CAMK1D: variants seen among roughly 807,000 people sequenced by gnomAD.
CAMK1D encodes the protein calcium/calmodulin dependent protein kinase ID, also known as calcium/calmodulin-dependent protein kinase type 1D.
In CAMK1D, 9 loss-of-function variants were observed where a neutral mutation model predicts 47.7. That is an observed-to-expected ratio of 0.19 (90% CI 0.11 to 0.33). The LOEUF (loss-of-function observed/expected upper bound fraction) is 0.33. Ranked by LOEUF, CAMK1D falls within the 10% of genes least tolerant of loss-of-function variation. The pLI, the probability that CAMK1D is intolerant of heterozygous loss-of-function variation, is 1.00. For synonymous variants in CAMK1D, 184 were observed against 184.9 expected, an observed-to-expected ratio of 0.99 and a Z score of 0.04; for missense variants, 291 against 488.7, an observed-to-expected ratio of 0.60 and a Z score of 3.81.
At chr10:12,539,792 C>T (rs1370961142) in intron 1 of CAMK1D, among the ~76,000 whole-genome samples, 1 of 152,230 alleles carries the variant, frequency 6.6e-6, no homozygotes, top group Non-Finnish European at 1.5e-5. Flanking sequence ...GTACCTTTGT[C>T]ATCCAAGGAA....
At chr10:12,558,899 G>C (rs756815141) in intron 2 of CAMK1D, among the ~76,000 whole-genome samples, 10 of 152,136 alleles carry the variant, frequency 6.6e-5, no homozygotes, top group Admixed American at 2.6e-4. Flanking sequence ...GCATGTTTTC[G>C]TCTATCTGGG....
chr10:12,828,667 C>CCA (rs1554832121), intron 10 of CAMK1D, 102 bp from the exon 11 acceptor site: 38,827 of 838,986 alleles, frequency 0.046, 4,980 homozygotes, highest in East Asian at 0.41. Flanking sequence ...TGGGCCCCCC[C>CCA]GCCCCCCACC....
intron 1 of CAMK1D, among the ~76,000 whole-genome samples, chr10:12,445,414 G>A (rs1832897638): frequency 6.6e-6 from 1 of 152,232 alleles, no homozygotes; most frequent in Non-Finnish European, 1.5e-5. Context: ...ACTTAGCTTT[G>A]GTTCTGCCAT....
intron 1 of CAMK1D, among the ~76,000 whole-genome samples, chr10:12,492,932 C>T (rs1341492114): frequency 6.6e-6 from 1 of 152,204 alleles, no homozygotes; most frequent in South Asian, 2.1e-4. Flanking sequence ...GTCCCACTCC[C>T]TCTGTCTCTG....
At chr10:12,619,973 C>T (rs971373604) in intron 2 of CAMK1D, among the ~76,000 whole-genome samples, 1 of 152,060 alleles carries the variant, frequency 6.6e-6, no homozygotes, top group African/African-American at 2.4e-5. Flanking sequence ...TCTTCTTTTT[C>T]ACTCAACTTT....
chr10:12,670,225 G>T (rs918714697), intron 3 of CAMK1D, among the ~76,000 whole-genome samples: 3 of 149,378 alleles, frequency 2.0e-5, no homozygotes, highest in African/African-American at 7.4e-5. Flanking sequence ...ATTCTAATGG[G>T]GTGTAGTGAT....
chr10:12,357,262 C>T (rs770859441), intron 1 of CAMK1D, among the ~76,000 whole-genome samples: 1 of 152,086 alleles, frequency 6.6e-6, no homozygotes, highest in African/African-American at 2.4e-5. Context: ...ACCTCTGCCA[C>T]CCGAGTTCAA....
intron 1 of CAMK1D, among the ~76,000 whole-genome samples, chr10:12,508,107 C>A (rs1173373621): frequency 6.6e-6 from 1 of 152,200 alleles, no homozygotes; most frequent in Admixed American, 6.5e-5. Context: ...TCTAGGAAGA[C>A]GATTCCCAAA....
chr10:12,423,777 C>T lies in CAMK1D; in HGVS notation c.92+73867C>T, dbSNP rs578076208. ...CAGGTTGTTCAGACAGCCAGGAATGCGTTAGCCTGACTAAGTTGGTTGTTC... is the reference window on the plus strand; with the variant it reads ...CAGGTTGTTCAGACAGCCAGGAATGTGTTAGCCTGACTAAGTTGGTTGTTC... On this transcript the variant is annotated intron_variant, in intron 1 of 10. Coordinates refer to ENST00000619168, the MANE Select transcript of CAMK1D (RefSeq NM_153498.4). Among the ~76,000 whole-genome samples the T allele has an allele frequency of 1.2e-4, 18 of 152,302 alleles. 1 individual carries two copies. Among genetic ancestry groups the T allele is most frequent in the South Asian group, 2.1e-4 (1 of 4,828 alleles).
rs190812397 is a variant in CAMK1D, at chr10:12,464,541, C to T, written c.93-88684C>T. Among the ~76,000 whole-genome samples the T allele has an allele frequency of 7.9e-5, 12 of 152,270 alleles. No individual in the cohort carries two copies. The South Asian group carries it at 1.7e-3, about 21-fold the overall frequency. The stretch of plus-strand genomic sequence containing the variant: ...GCAGAAAAGAGTGGTCAAGGCCGGG[C>T]GCCGTGGCTCATGCCTGTAATCCCA... On this transcript the variant is annotated intron_variant, in intron 1 of 10. Transcript: ENST00000619168.
intron 2 of CAMK1D, among the ~76,000 whole-genome samples, chr10:12,616,768 C>T (rs990596842): frequency 5.3e-5 from 8 of 152,124 alleles, no homozygotes; most frequent in Non-Finnish European, 8.8e-5. Flanking sequence ...CCGCCCGCCT[C>T]GGCCTCCCAA....
At chr10:12,410,037 A>G (rs1839601005) in intron 1 of CAMK1D, among the ~76,000 whole-genome samples, 2 of 152,204 alleles carry the variant, frequency 1.3e-5, no homozygotes, top group South Asian at 4.1e-4. Flanking sequence ...TCAGAACTTC[A>G]TTCCTTTCTA....
chr10:12,790,722 G>A (rs1293940188), intron 5 of CAMK1D, among the ~76,000 whole-genome samples: 1 of 151,952 alleles, frequency 6.6e-6, no homozygotes, highest in Admixed American at 6.6e-5. Context: ...TGAGTGCAGT[G>A]ACTCATACCT....
chr10:12,482,975 T>A (rs1215800224), intron 1 of CAMK1D, among the ~76,000 whole-genome samples: 1 of 152,156 alleles, frequency 6.6e-6, no homozygotes, highest in Admixed American at 6.5e-5. Context: ...CTGCCCACAT[T>A]ACGGTGCTAG....
chr10:12,666,599 A>C (rs189048062), intron 2 of CAMK1D, 137 bp from the exon 3 acceptor site: 2 of 677,996 alleles, frequency 2.9e-6, no homozygotes, highest in Admixed American at 5.4e-5. Flanking sequence ...GTCTGGGGAC[A>C]ACATTGTGAA....
intron 5 of CAMK1D, among the ~76,000 whole-genome samples, chr10:12,788,573 C>A (rs918732257): frequency 6.6e-6 from 1 of 152,232 alleles, no homozygotes; most frequent in African/African-American, 2.4e-5. Flanking sequence ...CGAGGCTGGC[C>A]CCGGATGGTC....
chr10:12,638,200 G>C (rs1330483145), intron 2 of CAMK1D, among the ~76,000 whole-genome samples: 1 of 152,224 alleles, frequency 6.6e-6, no homozygotes, highest in East Asian at 1.9e-4. Flanking sequence ...GCTTCTAGCA[G>C]ATGTTTCTGT....
intron 2 of CAMK1D, among the ~76,000 whole-genome samples, chr10:12,636,835 C>G (rs896342877): frequency 2.0e-5 from 3 of 152,172 alleles, no homozygotes; most frequent in Non-Finnish European, 4.4e-5. Context: ...CAGCACAGAA[C>G]AGAATACTGT....
intron 3 of CAMK1D, among the ~76,000 whole-genome samples, chr10:12,695,512 G>T (rs548493158): frequency 3.3e-5 from 5 of 152,154 alleles, no homozygotes; most frequent in Non-Finnish European, 7.3e-5. Flanking sequence ...TAGAACAAGC[G>T]CATGATGATG....
Sources: gnomAD v4.1 joint callset for allele counts (sites outside exome capture counted in the v4.1 genomes callset) on GRCh38, gnomAD v4.1.1 for gene constraint, MANE v1.5 for transcripts, NCBI Gene and HGNC (gene_info 2026-07-23, HGNC 2026-07-21) for gene names.